Variants in DDX10 observed in about 807,000 individuals in gnomAD.
DDX10 encodes the protein DEAD-box helicase 10.
Under a neutral mutation model 104.3 loss-of-function variants are expected in DDX10, and 74 were observed. The ratio of observed to expected loss-of-function variants is 0.71; its 90% CI spans 0.59 to 0.86. The LOEUF is 0.86. DDX10 is among the 40% of genes least tolerant of loss of function. DDX10 has a pLI of 0.00. For synonymous variants in DDX10, 351 were observed against 353.4 expected (o/e 0.99, Z 0.08); for missense variants, 952 against 1,040.0 (o/e 0.92, Z 1.16).
rs780967981 is a variant in DDX10 at position 108,691,987 on chromosome 11, C to T, written c.1087C>T (p.Arg363Cys). Residue 363 changes from arginine (R) to cysteine (C), a missense_variant, in exon 8 of 18, where the codon CGT (arginine) becomes TGT (cysteine). Around this residue, in one of 3 missense-constraint regions of DDX10, gnomAD observed 412 missense variants for 479.2 expected, o/e 0.86. Coordinates refer to ENST00000322536, the MANE Select transcript of DDX10 (RefSeq NM_004398.4). ...RRMEVYNEFV[R>C]KRAAVLFATD... Reference sequence around the variant, plus strand: ...AATGGAAGTCTATAATGAGTTTGTCCGTAAGAGAGCTGCAGTACTCTTTGC... The same window carrying T: ...AATGGAAGTCTATAATGAGTTTGTCTGTAAGAGAGCTGCAGTACTCTTTGC... The T allele has an allele frequency of 1.4e-5, 23 of 1,613,852 alleles. No homozygotes were observed. The highest frequency in any genetic ancestry group is 6.7e-5 in the African/African-American group (5 of 74,898).
chr11:108,875,752 G>A (rs576152849), intron 16 of DDX10, among the ~76,000 whole-genome samples: 10 of 152,222 alleles, frequency 6.6e-5, no homozygotes, highest in African/African-American at 1.4e-4. Flanking sequence ...CACGTTTCGC[G>A]GTCCTGTTGA....
chr11:108,689,105 C>T, intron 7 of DDX10, 43 bp downstream of exon 7: 1 of 1,601,926 alleles, frequency 6.2e-7, no homozygotes. Flanking sequence ...TGTTGAATGT[C>T]CCTTTTGAAA....
intron 16 of DDX10, among the ~76,000 whole-genome samples, chr11:108,915,537 A>C (rs1362557926): frequency 1.3e-5 from 2 of 151,946 alleles, no homozygotes; most frequent in Non-Finnish European, 2.9e-5. Flanking sequence ...ATGTGTCAAC[A>C]TTTAGAGATC....
chr11:108,892,422 G>A (rs1565310864), intron 16 of DDX10, among the ~76,000 whole-genome samples: 1 of 152,090 alleles, frequency 6.6e-6, no homozygotes, highest in Non-Finnish European at 1.5e-5. Flanking sequence ...TTTTTCTTTA[G>A]AAGTTACCCA....
intron 10 of DDX10, among the ~76,000 whole-genome samples, chr11:108,714,065 T>G (rs573065384): frequency 2.6e-4 from 40 of 152,184 alleles, no homozygotes; most frequent in Non-Finnish European, 4.9e-4. Context: ...AACAGAGTGC[T>G]CAGGCATATT....
chr11:108,879,437 T>A (rs1284488513), intron 16 of DDX10, among the ~76,000 whole-genome samples: 1 of 152,184 alleles, frequency 6.6e-6, no homozygotes, highest in Non-Finnish European at 1.5e-5. Flanking sequence ...TTCTTCAAAT[T>A]TCTGTAGTGA....
intron 13 of DDX10, among the ~76,000 whole-genome samples, chr11:108,801,296 A>G (rs77893580): frequency 3.3e-5 from 5 of 152,352 alleles, no homozygotes; most frequent in African/African-American, 9.6e-5. Flanking sequence ...GATATTTTGT[A>G]AACTGCCATA....
intron 9 of DDX10, 100 bp downstream of exon 9, chr11:108,693,700 GT>G: frequency 3.2e-6 from 3 of 947,782 alleles, no homozygotes; most frequent in Admixed American, 1.8e-5. Context: ...AGGTAAGTGA[GT>G]GCTGGTTTGG....
chr11:108,931,948 G>T (rs555616997), intron 17 of DDX10, among the ~76,000 whole-genome samples: 1 of 151,926 alleles, frequency 6.6e-6, no homozygotes, highest in Non-Finnish European at 1.5e-5. Flanking sequence ...TGTTTTTAGT[G>T]AGCCAACAAA....
At chr11:108,875,844 A>C (rs982565873) in intron 16 of DDX10, among the ~76,000 whole-genome samples, 1 of 152,168 alleles carries the variant, frequency 6.6e-6, no homozygotes, top group Non-Finnish European at 1.5e-5. Flanking sequence ...GAGGTTGGAA[A>C]GGCCAAATAA....
At chr11:108,938,798 G>A (rs1408915486) in intron 17 of DDX10, among the ~76,000 whole-genome samples, 2 of 152,004 alleles carry the variant, frequency 1.3e-5, no homozygotes, top group Non-Finnish European at 2.9e-5. Flanking sequence ...GGAAAATGGA[G>A]GAATTATTTC....
intron 11 of DDX10, among the ~76,000 whole-genome samples, chr11:108,716,717 C>G (rs913930045): frequency 6.6e-6 from 1 of 152,160 alleles, no homozygotes; most frequent in Admixed American, 6.5e-5. Flanking sequence ...TTGTTGTTCC[C>G]CAATTACTTT....
At chr11:108,881,923 C>T (rs982145910) in intron 16 of DDX10, among the ~76,000 whole-genome samples, 3 of 151,822 alleles carry the variant, frequency 2.0e-5, no homozygotes, top group Admixed American at 6.6e-5. Flanking sequence ...TTTTTGCCAC[C>T]ACTCTATATG....
chr11:108,838,716 C>T, intron 14 of DDX10, 151 bp downstream of exon 14: 1 of 871,752 alleles, frequency 1.1e-6, no homozygotes, highest in African/African-American at 1.7e-5. Context: ...GGCTGTACAT[C>T]AGCTCTACTG....
chr11:108,773,727 A>G (rs1182079813), intron 13 of DDX10, among the ~76,000 whole-genome samples: 1 of 152,164 alleles, frequency 6.6e-6, no homozygotes, highest in African/African-American at 2.4e-5. Flanking sequence ...AGGACAAAAT[A>G]TAGTAAGGGC....
intron 16 of DDX10, among the ~76,000 whole-genome samples, chr11:108,904,786 G>A (rs1004427095): frequency 1.4e-4 from 22 of 151,794 alleles, no homozygotes; most frequent in Non-Finnish European, 2.9e-5. Context: ...GTAGCCATGT[G>A]CCAGAGAGAT....
intron 13 of DDX10, among the ~76,000 whole-genome samples, chr11:108,778,843 A>G (rs983768546): frequency 6.6e-6 from 1 of 152,214 alleles, no homozygotes; most frequent in African/African-American, 2.4e-5. Flanking sequence ...CAAATTTACA[A>G]GAAAAAGTCA....
chr11:108,774,768 A>G (rs2094367725), intron 13 of DDX10, among the ~76,000 whole-genome samples: 1 of 152,258 alleles, frequency 6.6e-6, no homozygotes, highest in South Asian at 2.1e-4. Context: ...ATAGGCTGTT[A>G]AATATGCTGT....
At chr11:108,665,713 TC>T (rs1289338261) in intron 1 of DDX10, among the ~76,000 whole-genome samples, 2 of 152,124 alleles carry the variant, frequency 1.3e-5, no homozygotes, top group Non-Finnish European at 1.5e-5. Flanking sequence ...ATATTAATAA[TC>T]CTATTTAACA....
Sources: gnomAD v4.1 joint callset for allele counts (sites outside exome capture counted in the v4.1 genomes callset) on GRCh38, gnomAD v4.1.1 for gene constraint, gnomAD v4.1.1 regional missense constraint, MANE v1.5 for transcripts, NCBI Gene and HGNC (gene_info 2026-07-23, HGNC 2026-07-21) for gene names.